The following ZFAT variants were observed in gnomAD, a reference collection of about 807,000 sequenced individuals.
ZFAT encodes zinc finger protein ZFAT.
ZFAT carries 64 observed loss-of-function variants against 117.7 expected under a neutral mutation model. The observed-to-expected ratio is 0.54, with a 90% CI of 0.44 to 0.67. ZFAT has a LOEUF of 0.67. ZFAT is among the 30% of genes least tolerant of loss of function. The pLI is 0.00. For missense variants in ZFAT, 1,433 were observed against 1,584.5 expected (o/e 0.90, Z 1.62); for synonymous variants, 679 against 615.0 (o/e 1.10, Z -1.54).
At chr8:134,531,542 C>T (rs1426077966) in intron 12 of ZFAT, among the ~76,000 whole-genome samples, 1 of 152,236 alleles carries the variant, frequency 6.6e-6, no homozygotes, top group African/African-American at 2.4e-5. Flanking sequence ...TGGAAGATGG[C>T]TGCTGTGAAC....
intron 11 of ZFAT, among the ~76,000 whole-genome samples, chr8:134,537,605 G>T (rs796999509): frequency 1.9e-4 from 29 of 152,280 alleles, no homozygotes; most frequent in Middle Eastern, 6.8e-3. Flanking sequence ...GGGAGCCCCT[G>T]GTAGGTGTCA....
intron 12 of ZFAT, among the ~76,000 whole-genome samples, chr8:134,532,071 T>C (rs1023193683): frequency 6.6e-6 from 1 of 152,124 alleles, no homozygotes; most frequent in Non-Finnish European, 1.5e-5. Flanking sequence ...TACAACAGAA[T>C]TCACTGTATG....
At chr8:134,600,717 T>C (rs759941729) in intron 6 of ZFAT, 49 bp from the exon 7 acceptor site, 6 of 1,393,146 alleles carry the variant, frequency 4.3e-6, no homozygotes, top group Non-Finnish European at 5.8e-6. Flanking sequence ...TTTTGACTGA[T>C]TTTGAATTTT....
intron 3 of ZFAT, among the ~76,000 whole-genome samples, chr8:134,622,950 C>T (rs1269776321): frequency 6.6e-6 from 1 of 152,148 alleles, no homozygotes; most frequent in Non-Finnish European, 1.5e-5. Flanking sequence ...TGACTTGATG[C>T]TGTACCTAGA....
At chr8:134,486,823 G>A (rs1207740304) in intron 15 of ZFAT, among the ~76,000 whole-genome samples, 3 of 152,208 alleles carry the variant, frequency 2.0e-5, no homozygotes, top group Non-Finnish European at 4.4e-5. Context: ...GCAAAGACAG[G>A]AGCCAATCGA....
At chr8:134,798,896 C>A in the ZFAT span, among the ~76,000 whole-genome samples, 3 of 152,004 alleles carry the variant, frequency 2.0e-5, no homozygotes, top group Non-Finnish European at 2.9e-5. Flanking sequence ...GGGCAATTCC[C>A]AAATATGCTT....
At chr8:134,800,769 T>C in the ZFAT span, among the ~76,000 whole-genome samples, 5 of 152,082 alleles carry the variant, frequency 3.3e-5, no homozygotes, top group Admixed American at 1.3e-4. Context: ...AGAAGTGAGT[T>C]GGGTGTTTGT....
At chr8:134,668,706 T>C (rs985220320) in intron 1 of ZFAT, among the ~76,000 whole-genome samples, 5 of 152,190 alleles carry the variant, frequency 3.3e-5, no homozygotes, top group Non-Finnish European at 7.3e-5. Flanking sequence ...TTCTCCCCCT[T>C]CAAAGGAACA....
At chr8:134,680,007 G>C (rs374692487) in intron 1 of ZFAT, among the ~76,000 whole-genome samples, 4 of 151,794 alleles carry the variant, frequency 2.6e-5, no homozygotes, top group African/African-American at 9.7e-5. Flanking sequence ...CAGGTTGATG[G>C]GTGCAGCAAA....
At chr8:134,594,317 C>T (rs1420824148) in intron 7 of ZFAT, among the ~76,000 whole-genome samples, 1 of 152,208 alleles carries the variant, frequency 6.6e-6, no homozygotes, top group Non-Finnish European at 1.5e-5. Context: ...AATAACATTT[C>T]CTCTACTTTA....
intron 2 of ZFAT, among the ~76,000 whole-genome samples, chr8:134,642,196 T>C (rs1830624845): frequency 6.6e-6 from 1 of 152,190 alleles, no homozygotes; most frequent in Non-Finnish European, 1.5e-5. Context: ...AATTTGGGTT[T>C]CCTTATTCCC....
At chr8:134,567,489 AT>A (rs1824556010) in intron 10 of ZFAT, among the ~76,000 whole-genome samples, 1 of 151,724 alleles carries the variant, frequency 6.6e-6, no homozygotes, top group South Asian at 2.1e-4. Context: ...CCATCCATCC[AT>A]CCATCCATCA....
chr8:134,642,176 G>A (rs940578402), intron 2 of ZFAT, among the ~76,000 whole-genome samples: 2 of 152,196 alleles, frequency 1.3e-5, no homozygotes, highest in South Asian at 2.1e-4. Context: ...TGCTGAGCAC[G>A]CAGAACTGGA....
the ZFAT span, among the ~76,000 whole-genome samples, chr8:134,781,876 A>C: frequency 6.6e-6 from 1 of 152,228 alleles, no homozygotes; most frequent in African/African-American, 2.4e-5. Context: ...TCTTATTAAC[A>C]TTCTTTTCCC....
the ZFAT span, among the ~76,000 whole-genome samples, chr8:134,740,323 G>C: frequency 5.2e-3 from 789 of 152,308 alleles, 3 homozygotes; most frequent in African/African-American, 0.018. Flanking sequence ...ACATGGGTAA[G>C]GAGCCAGAAT....
chr8:134,510,430 A>G lies in ZFAT; in HGVS notation c.3362-681T>C, dbSNP rs551848363. The stretch of plus-strand genomic sequence containing the variant: ...ACTGCTTGATCTCCACCTCAGCATG[A>G]TATTATGCAGTCTCTGCCAACATTT... On this transcript the variant is annotated intron_variant, in intron 14 of 15. Coordinates refer to ENST00000377838, the MANE Select transcript of ZFAT (RefSeq NM_020863.4). Among the ~76,000 whole-genome samples the G allele has an allele frequency of 1.8e-4, 28 of 152,262 alleles. No individual in the cohort carries two copies. In the South Asian group the frequency reaches 4.8e-3, roughly 26 times the overall value.
chr8:134,663,492 A>G (rs1832045017), intron 1 of ZFAT, among the ~76,000 whole-genome samples: 1 of 152,022 alleles, frequency 6.6e-6, no homozygotes, highest in African/African-American at 2.4e-5. Context: ...TAATCCCAGC[A>G]CTTCGGGAGG....
At chr8:134,629,460 C>A (rs187535741) in intron 3 of ZFAT, among the ~76,000 whole-genome samples, 1 of 151,854 alleles carries the variant, frequency 6.6e-6, no homozygotes, top group East Asian at 1.9e-4. Context: ...CAGGTGGGGC[C>A]ATGTGATTCC....
chr8:134,605,893 T>C (rs1827855682), intron 5 of ZFAT, among the ~76,000 whole-genome samples: 2 of 151,980 alleles, frequency 1.3e-5, no homozygotes, highest in Admixed American at 1.3e-4. Context: ...GTACTAAATA[T>C]AAAAGTAAGC....
Sources: gnomAD v4.1 joint callset for allele counts (sites outside exome capture counted in the v4.1 genomes callset) on GRCh38, gnomAD v4.1.1 for gene constraint, MANE v1.5 for transcripts, NCBI Gene and HGNC (gene_info 2026-07-23, HGNC 2026-07-21) for gene names.